GALNT13: variants seen among roughly 807,000 people sequenced by gnomAD.
GALNT13 encodes the protein polypeptide N-acetylgalactosaminyltransferase 13.
In GALNT13, 28 loss-of-function variants were observed where a neutral mutation model predicts 64.2. That is an observed-to-expected ratio of 0.44 (90% CI 0.32 to 0.60). The LOEUF is 0.60. Among genes scored for constraint, GALNT13 ranks in the 20% least tolerant of loss-of-function variants. The probability of loss-of-function intolerance (pLI) is 0.05; values close to 1 mark genes in which losing one functional copy is unlikely to be tolerated. For missense variants in GALNT13, 577 were observed against 669.8 expected (o/e 0.86, Z 1.53); for synonymous variants, 214 against 224.6 (o/e 0.95, Z 0.42).
At chr2:154,374,549 C>G (rs913540010) in intron 9 of GALNT13, among the ~76,000 whole-genome samples, 1 of 152,146 alleles carries the variant, frequency 6.6e-6, no homozygotes, top group African/African-American at 2.4e-5. Context: ...GAACCATTAC[C>G]TATCTAATTA....
the GALNT13 span, among the ~76,000 whole-genome samples, chr2:153,291,245 T>A: frequency 6.6e-6 from 1 of 152,180 alleles, no homozygotes; most frequent in African/African-American, 2.4e-5. Flanking sequence ...AGCATTTGCA[T>A]CATTTTAGAA....
At chr2:153,461,924 A>T in the GALNT13 span, among the ~76,000 whole-genome samples, 1 of 152,140 alleles carries the variant, frequency 6.6e-6, no homozygotes, top group African/African-American at 2.4e-5. Flanking sequence ...CTCTGATATT[A>T]TGAGAGCTCT....
At chr2:153,081,565 C>G in the GALNT13 span, among the ~76,000 whole-genome samples, 28,924 of 152,066 alleles carry the variant, frequency 0.19, 3,492 homozygotes, top group Non-Finnish European at 0.28. Flanking sequence ...TCTATGTCCA[C>G]GAGTTCAAAG....
the GALNT13 span, among the ~76,000 whole-genome samples, chr2:153,107,288 T>C: frequency 3.9e-5 from 6 of 152,134 alleles, no homozygotes; most frequent in South Asian, 2.1e-4. Context: ...AGAGATTCAA[T>C]TGTGGTCCCA....
chr2:153,139,394 A>T, the GALNT13 span, among the ~76,000 whole-genome samples: 3 of 152,110 alleles, frequency 2.0e-5, no homozygotes, highest in African/African-American at 7.2e-5. Context: ...GAGGTCCCTG[A>T]CTTTAAGTTG....
At chr2:153,394,921 GTCC>G in the GALNT13 span, among the ~76,000 whole-genome samples, 2 of 152,098 alleles carry the variant, frequency 1.3e-5, no homozygotes, top group African/African-American at 4.8e-5. Context: ...GGCCATATGT[GTCC>G]TCCTCCAGAG....
the GALNT13 span, among the ~76,000 whole-genome samples, chr2:153,273,063 T>G: frequency 6.6e-6 from 1 of 151,960 alleles, no homozygotes; most frequent in Non-Finnish European, 1.5e-5. Context: ...TTCTCACTCA[T>G]AAAGGAGTTG....
At chr2:153,415,309 T>C in the GALNT13 span, among the ~76,000 whole-genome samples, 1 of 152,146 alleles carries the variant, frequency 6.6e-6, no homozygotes, top group Non-Finnish European at 1.5e-5. Context: ...GGAGGCTGAC[T>C]AGTTCACAAC....
the GALNT13 span, among the ~76,000 whole-genome samples, chr2:153,199,648 A>T: frequency 6.6e-6 from 1 of 152,206 alleles, no homozygotes; most frequent in Non-Finnish European, 1.5e-5. Flanking sequence ...ACATTCTAGA[A>T]ATGATGTGAT....
chr2:153,257,094 A>C, the GALNT13 span, among the ~76,000 whole-genome samples: 1 of 152,218 alleles, frequency 6.6e-6, no homozygotes, highest in African/African-American at 2.4e-5. Flanking sequence ...CTGTGCTAGC[A>C]ATCAGTGAGA....
chr2:154,306,267 C>T (rs553361388), intron 9 of GALNT13, among the ~76,000 whole-genome samples: 221 of 152,146 alleles, frequency 1.5e-3, no homozygotes, highest in African/African-American at 5.0e-3. Context: ...CCGTCATCTA[C>T]GTTAGGCATT....
the GALNT13 span, among the ~76,000 whole-genome samples, chr2:153,128,180 T>C: frequency 1.3e-5 from 2 of 152,200 alleles, no homozygotes; most frequent in Non-Finnish European, 2.9e-5. Context: ...ATTCAGGTAG[T>C]GTATTAGTCC....
intron 9 of GALNT13, among the ~76,000 whole-genome samples, chr2:154,383,687 A>G (rs1698379919): frequency 6.6e-6 from 1 of 151,924 alleles, no homozygotes; most frequent in African/African-American, 2.4e-5. Flanking sequence ...AAATATTAAA[A>G]TATTACTGTT....
At chr2:153,071,208 T>C in the GALNT13 span, among the ~76,000 whole-genome samples, 1 of 152,234 alleles carries the variant, frequency 6.6e-6, no homozygotes, top group South Asian at 2.1e-4. Context: ...TTAAAATTTA[T>C]GTGAGTAAAA....
intron 3 of GALNT13, among the ~76,000 whole-genome samples, chr2:154,060,617 A>G (rs1016395053): frequency 6.6e-6 from 1 of 152,152 alleles, no homozygotes; most frequent in Non-Finnish European, 1.5e-5. Flanking sequence ...TAGGGCTCCC[A>G]AAGTGCTGGG....
the GALNT13 span, among the ~76,000 whole-genome samples, chr2:153,716,493 G>A: frequency 6.6e-6 from 1 of 152,064 alleles, no homozygotes; most frequent in African/African-American, 2.4e-5. Flanking sequence ...AGTGGGAATT[G>A]ATAGCTCCCA....
intron 2 of GALNT13, among the ~76,000 whole-genome samples, chr2:153,925,684 C>T (rs1375919329): frequency 4.6e-5 from 7 of 151,970 alleles, no homozygotes; most frequent in Admixed American, 6.6e-5. Context: ...TCTTCCTATC[C>T]GTGAGCATGG....
the GALNT13 span, among the ~76,000 whole-genome samples, chr2:153,595,403 TAAA>T: frequency 4.3e-3 from 660 of 151,880 alleles, 4 homozygotes; most frequent in African/African-American, 0.015. Flanking sequence ...TCTATTAAAA[TAAA>T]AAGGCACTCA....
At chr2:153,671,212 T>A in the GALNT13 span, among the ~76,000 whole-genome samples, 1 of 152,094 alleles carries the variant, frequency 6.6e-6, no homozygotes. Flanking sequence ...ACCACAAAGA[T>A]ACTCCTCAAG....
Sources: gnomAD v4.1 joint callset for allele counts (sites outside exome capture counted in the v4.1 genomes callset) on GRCh38, gnomAD v4.1.1 for gene constraint, MANE v1.5 for transcripts, NCBI Gene and HGNC (gene_info 2026-07-23, HGNC 2026-07-21) for gene names.